ADGRB3: variants seen among roughly 807,000 people sequenced by gnomAD.
The protein encoded by ADGRB3 is adhesion G protein-coupled receptor B3, also known as brain-specific angiogenesis inhibitor 3.
Under a neutral mutation model 193.4 loss-of-function variants are expected in ADGRB3, and 37 were observed. The ratio of observed to expected loss-of-function variants is 0.19; its 90% CI spans 0.15 to 0.25. ADGRB3 has a LOEUF of 0.25. Among genes scored for constraint, ADGRB3 ranks in the 10% least tolerant of loss-of-function variants. The probability of loss-of-function intolerance (pLI) is 1.00; values close to 1 mark genes in which losing one functional copy is unlikely to be tolerated. For missense variants in ADGRB3, 1,637 were observed against 1,852.9 expected (o/e 0.88, Z 2.14); for synonymous variants, 690 against 644.2 (o/e 1.07, Z -1.08).
At chr6:68,726,328 A>T (rs1765673863) in intron 3 of ADGRB3, among the ~76,000 whole-genome samples, 2 of 151,680 alleles carry the variant, frequency 1.3e-5, no homozygotes, top group African/African-American at 4.8e-5. Flanking sequence ...AAATTAGAAA[A>T]GTTGTGCCTT....
intron 11 of ADGRB3, among the ~76,000 whole-genome samples, chr6:68,994,547 T>G (rs1212365191): frequency 1.3e-5 from 2 of 152,206 alleles, no homozygotes; most frequent in African/African-American, 4.8e-5. Flanking sequence ...TTTATTTCCA[T>G]AATAAAGTTT....
In ADGRB3 at chr6:68,714,461, C is replaced by A. The variant is rs542130653; in HGVS notation, c.757+75029C>A. ...CTCATCTATTTATTTTGCCTAATAGCCGATCTGGAAAATAATGATGAAAAA... is the reference window on the plus strand; with the variant it reads ...CTCATCTATTTATTTTGCCTAATAGACGATCTGGAAAATAATGATGAAAAA... On this transcript the variant is annotated intron_variant, in intron 3 of 31. Transcript: ENST00000370598. 4.7e-4 allele frequency among the ~76,000 whole-genome samples: 72 copies of A among 151,644 alleles called. 2 individuals are homozygous for A. In the South Asian group the frequency reaches 0.014, roughly 30 times the overall value.
At chr6:68,925,533 T>A (rs1767155929) in intron 3 of ADGRB3, among the ~76,000 whole-genome samples, 1 of 152,046 alleles carries the variant, frequency 6.6e-6, no homozygotes, top group African/African-American at 2.4e-5. Context: ...TATTTTAATA[T>A]TCTTTCTTGT....
intron 3 of ADGRB3, among the ~76,000 whole-genome samples, chr6:68,830,147 G>T (rs1213254306): frequency 6.6e-6 from 1 of 152,118 alleles, no homozygotes; most frequent in Non-Finnish European, 1.5e-5. Context: ...TGAATCATAA[G>T]TATTTCCATA....
intron 20 of ADGRB3, among the ~76,000 whole-genome samples, chr6:69,319,928 T>C (rs948644038): frequency 6.6e-6 from 1 of 151,542 alleles, no homozygotes; most frequent in Non-Finnish European, 1.5e-5. Context: ...TGATTTTTGA[T>C]GTTTGGAATT....
chr6:69,069,134 G>A (rs1005739835), intron 16 of ADGRB3, among the ~76,000 whole-genome samples: 5 of 152,036 alleles, frequency 3.3e-5, no homozygotes, highest in African/African-American at 9.7e-5. Context: ...CTCCTTCTAA[G>A]TATCATTTAA....
chr6:68,854,309 G>A (rs975366474), intron 3 of ADGRB3, among the ~76,000 whole-genome samples: 1 of 152,108 alleles, frequency 6.6e-6, no homozygotes, highest in African/African-American at 2.4e-5. Context: ...ATAACATCAA[G>A]AGATTTATTA....
At chr6:69,228,999 A>G (rs1766079356) in intron 17 of ADGRB3, among the ~76,000 whole-genome samples, 1 of 152,176 alleles carries the variant, frequency 6.6e-6, no homozygotes, top group African/African-American at 2.4e-5. Flanking sequence ...CCCAAGTCCT[A>G]TCATAGGGTT....
At chr6:69,296,892 G>A (rs1767831505) in intron 20 of ADGRB3, among the ~76,000 whole-genome samples, 1 of 151,942 alleles carries the variant, frequency 6.6e-6, no homozygotes, top group Admixed American at 6.6e-5. Context: ...TATGTATATT[G>A]CTTTTCTGCT....
At chr6:68,642,786 A>G (rs954918938) in intron 3 of ADGRB3, among the ~76,000 whole-genome samples, 1 of 151,316 alleles carries the variant, frequency 6.6e-6, no homozygotes, top group Non-Finnish European at 1.5e-5. Flanking sequence ...AAAACCTCTT[A>G]ACATATAATG....
intron 3 of ADGRB3, among the ~76,000 whole-genome samples, chr6:68,811,322 C>T (rs1193317710): frequency 1.3e-5 from 2 of 152,002 alleles, no homozygotes; most frequent in East Asian, 3.9e-4. Flanking sequence ...CATGCATATT[C>T]AAACAAACAA....
rs920976286 is a variant in ADGRB3, at chr6:68,687,344, G to GT, written c.757+47914dup. Among the ~76,000 whole-genome samples the GT allele has an allele frequency of 7.2e-4, 109 of 152,054 alleles. 1 individual carries two copies. The highest frequency in any genetic ancestry group is 2.5e-3 in the African/African-American group (102 of 41,494). ...ATTTTATATACATGATCTTCAAAAA[G>GT]TTCATAGAAAATATATGTTATGAAA... On this transcript the variant is annotated intron_variant, in intron 3 of 31. Transcript: ENST00000370598.
intron 10 of ADGRB3, among the ~76,000 whole-genome samples, chr6:68,984,060 G>C (rs1003483864): frequency 2.0e-5 from 3 of 152,136 alleles, no homozygotes; most frequent in Non-Finnish European, 4.4e-5. Context: ...TAAGCAAGAA[G>C]AGAGTGTCAT....
At chr6:68,654,605 C>T (rs1016485426) in intron 3 of ADGRB3, among the ~76,000 whole-genome samples, 10 of 151,802 alleles carry the variant, frequency 6.6e-5, no homozygotes, top group African/African-American at 1.9e-4. Flanking sequence ...TCCACATATA[C>T]ACTTATATGT....
At chr6:68,897,200 GA>G (rs1766241160) in intron 3 of ADGRB3, among the ~76,000 whole-genome samples, 2 of 151,756 alleles carry the variant, frequency 1.3e-5, no homozygotes, top group South Asian at 4.1e-4. Context: ...TCTAATACAA[GA>G]AATACAGAGA....
chr6:69,032,757 A>G (rs569534475), intron 13 of ADGRB3, among the ~76,000 whole-genome samples: 2 of 152,304 alleles, frequency 1.3e-5, no homozygotes, highest in Admixed American at 1.3e-4. Context: ...CTGTGCTTTT[A>G]TGTCAGTGCA....
chr6:68,969,972 T>C (rs1249875703), intron 8 of ADGRB3, among the ~76,000 whole-genome samples: 15 of 152,188 alleles, frequency 9.9e-5, no homozygotes, highest in Non-Finnish European at 1.5e-4. Flanking sequence ...ACCAGACCAT[T>C]ACTCTATACT....
chr6:68,636,784 A>G (rs993677052), intron 1 of ADGRB3, among the ~76,000 whole-genome samples: 1 of 152,134 alleles, frequency 6.6e-6, no homozygotes, highest in African/African-American at 2.4e-5. Flanking sequence ...CAAAAGTACC[A>G]ATTTCATTAG....
intron 17 of ADGRB3, among the ~76,000 whole-genome samples, chr6:69,131,769 C>T (rs1390449300): frequency 1.3e-5 from 2 of 151,914 alleles, no homozygotes; most frequent in Non-Finnish European, 2.9e-5. Flanking sequence ...AATGCTATCC[C>T]TCCCCTAGCC....
Sources: gnomAD v4.1 joint callset for allele counts (sites outside exome capture counted in the v4.1 genomes callset) on GRCh38, gnomAD v4.1.1 for gene constraint, MANE v1.5 for transcripts, NCBI Gene and HGNC (gene_info 2026-07-23, HGNC 2026-07-21) for gene names.